The following SOX6 variants were observed in gnomAD, a reference collection of about 807,000 sequenced individuals.
SOX6 encodes the protein SRY-box transcription factor 6.
Under a neutral mutation model 97.8 loss-of-function variants are expected in SOX6, and 11 were observed. That is an observed-to-expected ratio of 0.11 (90% CI 0.07 to 0.19). The LOEUF is 0.19. SOX6 is among the 10% of genes least tolerant of loss of function. The pLI is 1.00. For missense variants in SOX6, 810 were observed against 1,039.5 expected (o/e 0.78, Z 3.04); for synonymous variants, 360 against 371.4 (o/e 0.97, Z 0.35).
At chr11:16,249,684 T>C (rs1354456035) in intron 3 of SOX6, among the ~76,000 whole-genome samples, 1 of 152,164 alleles carries the variant, frequency 6.6e-6, no homozygotes, top group Non-Finnish European at 1.5e-5. Flanking sequence ...ATACCAAAAA[T>C]AAATTTATCA....
chr11:16,284,794 C>T (rs1397792015), intron 3 of SOX6, among the ~76,000 whole-genome samples: 2 of 152,136 alleles, frequency 1.3e-5, no homozygotes, highest in African/African-American at 4.8e-5. Flanking sequence ...CCCTTGTGAG[C>T]CTCTTCTGGT....
intron 3 of SOX6, chr11:16,311,497 T>C (rs193144066): frequency 3.3e-5 from 5 of 152,310 alleles, no homozygotes; most frequent in African/African-American, 1.2e-4. Flanking sequence ...TACTTTGAGC[T>C]GGCAATGTTC....
At position 16,240,015 on chromosome 11, in the gene SOX6, ATC is replaced by A. The variant is rs1853136886; in HGVS notation, c.446-5346_446-5345del. ...GATAAATTACTAAGTATAAAATGCA[ATC>A]TGTTTCCTTTGTTTACTCAATATGA... On this transcript the variant is annotated intron_variant, in intron 3 of 15. Transcript: ENST00000683767. 2.0e-5 allele frequency among the ~76,000 whole-genome samples: 3 copies of A among 152,210 alleles called. No homozygotes were observed. In the South Asian group the frequency reaches 6.2e-4, roughly 32 times the overall value.
At chr11:16,198,897 G>T (rs1851861294) in intron 4 of SOX6, among the ~76,000 whole-genome samples, 1 of 152,098 alleles carries the variant, frequency 6.6e-6, no homozygotes, top group Admixed American at 6.5e-5. Flanking sequence ...ATTCTACCGA[G>T]AAAACTGGTG....
At chr11:16,456,476 A>C (rs1446817090) in intron 1 of SOX6, among the ~76,000 whole-genome samples, 2 of 152,132 alleles carry the variant, frequency 1.3e-5, no homozygotes, top group Non-Finnish European at 2.9e-5. Context: ...ACCACTATTG[A>C]GGCCAGACTG....
At chr11:16,684,592 G>C (rs1847954139) in intron 3 of SOX6, among the ~76,000 whole-genome samples, 1 of 150,034 alleles carries the variant, frequency 6.7e-6, no homozygotes, top group Non-Finnish European at 1.5e-5. Context: ...GGGGTGGGGG[G>C]CTGGGGGAGG....
At chr11:16,009,699 G>C (rs1207528657) in intron 13 of SOX6, among the ~76,000 whole-genome samples, 1 of 152,046 alleles carries the variant, frequency 6.6e-6, no homozygotes. Context: ...TTACAGATTT[G>C]ATGACCTCTC....
intron 3 of SOX6, among the ~76,000 whole-genome samples, chr11:16,658,493 G>A (rs1045100648): frequency 2.7e-5 from 4 of 150,914 alleles, no homozygotes; most frequent in African/African-American, 9.7e-5. Flanking sequence ...CAGATCACGA[G>A]GTCAGAAGAT....
intron 4 of SOX6, among the ~76,000 whole-genome samples, chr11:16,499,261 G>A (rs1029041879): frequency 2.0e-5 from 3 of 152,066 alleles, no homozygotes; most frequent in African/African-American, 7.2e-5. Flanking sequence ...TGAAACCAAC[G>A]AGAACAAAGA....
intron 1 of SOX6, among the ~76,000 whole-genome samples, chr11:16,366,450 C>A (rs1857360034): frequency 1.3e-5 from 2 of 152,086 alleles, no homozygotes; most frequent in South Asian, 4.1e-4. Flanking sequence ...CTTAATCCTT[C>A]CCAGTCTATG....
chr11:16,680,930 C>A lies in SOX6; in HGVS notation n.429+33900G>T, dbSNP rs146606534. Reference sequence around the variant, plus strand: ...CTAACTATTCTAAATATATATGCACCCAAACAGGAGCACCCAGATTCATAA... The same window carrying A: ...CTAACTATTCTAAATATATATGCACACAAACAGGAGCACCCAGATTCATAA... On this transcript the variant is annotated intron_variant and non_coding_transcript_variant, in intron 3 of 5. Coordinates refer to the SOX6 transcript ENST00000524520. Among the ~76,000 whole-genome samples the A allele has an allele frequency of 9.1e-3, 1,383 of 152,172 alleles. 11 individuals are homozygous for A. Among genetic ancestry groups the A allele is most frequent in the Middle Eastern group, 0.017 (5 of 294 alleles).
chr11:16,063,509 TATA>T (rs1848012910), intron 9 of SOX6, among the ~76,000 whole-genome samples: 1 of 32,412 alleles, frequency 3.1e-5, no homozygotes, highest in African/African-American at 1.4e-4. Flanking sequence ...TATATATATA[TATA>T]TATATATATA....
At chr11:16,179,537 T>C (rs1851291197) in intron 6 of SOX6, among the ~76,000 whole-genome samples, 1 of 151,914 alleles carries the variant, frequency 6.6e-6, no homozygotes, top group African/African-American at 2.4e-5. Context: ...AAAGAATATT[T>C]GCAAAGACGC....
intron 13 of SOX6, among the ~76,000 whole-genome samples, chr11:15,997,175 C>A (rs1015432475): frequency 2.6e-5 from 4 of 152,030 alleles, no homozygotes; most frequent in African/African-American, 7.2e-5. Flanking sequence ...TACCAAAATT[C>A]ACTCAAGAAT....
At chr11:16,246,082 T>G (rs1363046298) in intron 3 of SOX6, among the ~76,000 whole-genome samples, 1 of 151,432 alleles carries the variant, frequency 6.6e-6, no homozygotes, top group African/African-American at 2.4e-5. Flanking sequence ...ATTTCATTAT[T>G]TAAATGATTG....
At chr11:16,385,640 C>T (rs890520195) in intron 1 of SOX6, among the ~76,000 whole-genome samples, 1 of 152,010 alleles carries the variant, frequency 6.6e-6, no homozygotes, top group African/African-American at 2.4e-5. Flanking sequence ...ATTGGATACA[C>T]CCAAGTCTTA....
At chr11:16,029,846 C>T (rs1421598224) in intron 12 of SOX6, among the ~76,000 whole-genome samples, 1 of 152,082 alleles carries the variant, frequency 6.6e-6, no homozygotes. Context: ...AATAATTATA[C>T]AAGCTACAAA....
At chr11:16,513,417 G>A (rs1025559332) in intron 4 of SOX6, among the ~76,000 whole-genome samples, 5 of 152,308 alleles carry the variant, frequency 3.3e-5, no homozygotes, top group African/African-American at 9.6e-5. Flanking sequence ...CGGATCACTT[G>A]AGGTCAGAAG....
chr11:16,567,452 T>C (rs998684829), intron 4 of SOX6: 1 of 152,032 alleles, frequency 6.6e-6, no homozygotes, highest in African/African-American at 2.4e-5. Flanking sequence ...CCACGGTTGG[T>C]GGCCATTGTT....
Sources: allele counts gnomAD v4.1 joint callset (sites outside exome capture counted in the v4.1 genomes callset), GRCh38; gene constraint gnomAD v4.1.1; transcripts MANE v1.5; gene names NCBI Gene and HGNC (gene_info 2026-07-23, HGNC 2026-07-21).